Variants in UBL3 observed in about 807,000 individuals in gnomAD.
UBL3 encodes the protein ubiquitin like 3, also known as ubiquitin-like protein 3.
A neutral mutation model predicts 18.4 loss-of-function variants in UBL3; 6 were observed. That is an observed-to-expected ratio of 0.33 (90% confidence interval 0.18 to 0.64). The LOEUF is 0.64. Ranked by LOEUF, UBL3 falls within the 30% of genes least tolerant of loss-of-function variation. The pLI, the probability that UBL3 is intolerant of heterozygous loss-of-function variation, is 0.76. For missense variants in UBL3, 109 were observed against 142.9 expected (o/e 0.76, Z 1.21); for synonymous variants, 49 against 46.6 (o/e 1.05, Z -0.21).
chr13:29,778,416 C>T (rs8001330), intron 1 of UBL3, among the ~76,000 whole-genome samples: 139,087 of 152,132 alleles, frequency 0.91, 63,651 homozygotes, highest in East Asian at 0.98. Flanking sequence ...AAGTGTTGTT[C>T]CTATTACTCC....
rs995244408 is a variant in UBL3, at chr13:29,792,119, A to G, written c.28-14856T>C. Among the ~76,000 whole-genome samples, 10 of 152,366 alleles carry G rather than the reference A, an allele frequency of 6.6e-5. 1 individual carries two copies. The South Asian group carries it at 2.1e-3, about 32-fold the overall frequency. ...CTCAGTCACAGTGCTTGAAAAAAGTAGGTATTTAATACTTTGAAAGGATGA... is the reference window on the plus strand; with the variant it reads ...CTCAGTCACAGTGCTTGAAAAAAGTGGGTATTTAATACTTTGAAAGGATGA... On this transcript the variant is annotated intron_variant, in intron 1 of 4. Coordinates refer to ENST00000380680, the MANE Select transcript of UBL3 (RefSeq NM_007106.4).
chr13:29,835,139 T>A (rs76038660), intron 1 of UBL3, among the ~76,000 whole-genome samples: 29 of 9,372 alleles, frequency 3.1e-3, no homozygotes, highest in East Asian at 0.017. Flanking sequence ...TATATATATA[T>A]ATATATATAT....
rs370692218 is a variant in UBL3, at chr13:29,836,123, G to A, written c.27+13389C>T. Reference sequence around the variant, plus strand: ...ACTTGAACTAGGTTGGTAGCATGATGAAGAGAAGTAGATGGATTCTAGATA... The same window carrying A: ...ACTTGAACTAGGTTGGTAGCATGATAAAGAGAAGTAGATGGATTCTAGATA... On this transcript the variant is annotated intron_variant, in intron 1 of 4. Coordinates refer to ENST00000380680, the MANE Select transcript of UBL3 (RefSeq NM_007106.4). Among the ~76,000 whole-genome samples, 103 of 152,270 alleles carry A rather than the reference G, an allele frequency of 6.8e-4. 2 individuals are homozygous for A. Among genetic ancestry groups the A allele is most frequent in the Middle Eastern group, 3.4e-3 (1 of 294 alleles).
intron 1 of UBL3, among the ~76,000 whole-genome samples, chr13:29,818,638 C>T (rs905271600): frequency 9.2e-5 from 14 of 152,128 alleles, no homozygotes; most frequent in East Asian, 3.8e-4. Context: ...TCACATAATA[C>T]GCCTATCACA....
intron 1 of UBL3, chr13:29,779,278 T>C (rs1327429839): frequency 2.0e-6 from 1 of 496,026 alleles, no homozygotes; most frequent in East Asian, 5.7e-5. Context: ...TCTTAATGTA[T>C]GAATAACAAA....
chr13:29,802,786 C>T (rs550011825), intron 1 of UBL3, among the ~76,000 whole-genome samples: 4 of 152,226 alleles, frequency 2.6e-5, no homozygotes, highest in African/African-American at 9.6e-5. Context: ...AACGAAACTC[C>T]TGAGAAATAC....
intron 1 of UBL3, among the ~76,000 whole-genome samples, chr13:29,777,804 T>C (rs920723627): frequency 6.6e-6 from 1 of 152,212 alleles, no homozygotes; most frequent in African/African-American, 2.4e-5. Flanking sequence ...CTCTGCTCTG[T>C]CACCCAGGCT....
intron 1 of UBL3, among the ~76,000 whole-genome samples, chr13:29,831,449 G>T (rs1878768104): frequency 6.6e-6 from 1 of 152,000 alleles, no homozygotes; most frequent in Admixed American, 6.6e-5. Flanking sequence ...ATTAGCCGGG[G>T]TGGTAGTGCA....
intron 1 of UBL3, among the ~76,000 whole-genome samples, chr13:29,794,394 T>C (rs1321485363): frequency 6.6e-6 from 1 of 152,002 alleles, no homozygotes; most frequent in Non-Finnish European, 1.5e-5. Flanking sequence ...ATATGCATGT[T>C]GACCTTTTCT....
At chr13:29,781,706 A>G (rs941943930) in intron 1 of UBL3, among the ~76,000 whole-genome samples, 7 of 151,866 alleles carry the variant, frequency 4.6e-5, no homozygotes, top group Non-Finnish European at 1.0e-4. Context: ...GAAGTTGGCC[A>G]GGTGCAGTAG....
At position 29,765,447 on chromosome 13, in the gene UBL3, AC is replaced by A. The variant is rs1876651791; in HGVS notation, c.*1807del. The A allele has an allele frequency of 6.6e-6, 1 of 152,156 alleles. No individual in the cohort carries two copies. Among genetic ancestry groups the A allele is most frequent in the Non-Finnish European group, 1.5e-5 (1 of 67,990 alleles). 9.4% of individuals were successfully genotyped at this position (152,156 alleles called of 1,614,324 possible). A position where few individuals can be genotyped will look rare whatever the true frequency, so the allele number is the denominator to read the frequency against. ...CATTGTTGTGACTGTCCACAAATTAACCAGGTTAAATATCAAAGATACATTG... is the reference window on the plus strand; with the variant it reads ...CATTGTTGTGACTGTCCACAAATTAACAGGTTAAATATCAAAGATACATTG... On this transcript the variant is annotated 3_prime_UTR_variant, in exon 5 of 5. Coordinates refer to ENST00000380680, the MANE Select transcript of UBL3 (RefSeq NM_007106.4).
At chr13:29,847,189 C>G (rs947339394) in intron 1 of UBL3, among the ~76,000 whole-genome samples, 3 of 152,084 alleles carry the variant, frequency 2.0e-5, no homozygotes, top group Admixed American at 6.6e-5. Flanking sequence ...AATAAACGAA[C>G]GTTTAAAAGA....
intron 1 of UBL3, among the ~76,000 whole-genome samples, chr13:29,838,816 G>A (rs1172028259): frequency 1.3e-5 from 2 of 152,008 alleles, no homozygotes; most frequent in Admixed American, 1.3e-4. Context: ...TACATTAAAG[G>A]TAAACCAGAG....
chr13:29,765,248 AGTTT>A lies in UBL3; in HGVS notation c.*2003_*2006del, dbSNP rs1268881090. On this transcript the variant is annotated 3_prime_UTR_variant, in exon 5 of 5. Coordinates refer to ENST00000380680, the MANE Select transcript of UBL3 (RefSeq NM_007106.4). ...ATAGGTATTAAAAATAATTACCAGT[AGTTT>A]GTTTTACAAAATAGAGCCATAAATT... is the stretch of plus-strand genomic sequence containing the variant. The A allele has an allele frequency of 6.6e-6, 1 of 152,318 alleles. No individual in the cohort carries two copies. Among genetic ancestry groups the A allele is most frequent in the South Asian group, 2.1e-4 (1 of 4,832 alleles). The allele number at this position is 152,318 out of a possible 1,614,324, so 9.4% of individuals were successfully genotyped here. A position where few individuals can be genotyped will look rare whatever the true frequency, so the allele number is the denominator to read the frequency against.
At chr13:29,785,282 A>G (rs1218603957) in intron 1 of UBL3, among the ~76,000 whole-genome samples, 1 of 152,180 alleles carries the variant, frequency 6.6e-6, no homozygotes, top group Non-Finnish European at 1.5e-5. Flanking sequence ...CTGGGTGAAC[A>G]GTGTTGGGGA....
At chr13:29,813,009 T>C (rs1166913614) in intron 1 of UBL3, among the ~76,000 whole-genome samples, 1 of 152,006 alleles carries the variant, frequency 6.6e-6, no homozygotes, top group African/African-American at 2.4e-5. Flanking sequence ...TTCTAAAGAG[T>C]CATTTTTACC....
intron 1 of UBL3, among the ~76,000 whole-genome samples, chr13:29,846,564 A>C (rs534502383): frequency 3.3e-5 from 5 of 152,292 alleles, no homozygotes; most frequent in African/African-American, 1.2e-4. Flanking sequence ...ACCAAAGCTA[A>C]AAAATCTATT....
intron 1 of UBL3, among the ~76,000 whole-genome samples, chr13:29,848,126 A>G (rs948617612): frequency 3.3e-5 from 5 of 152,132 alleles, no homozygotes; most frequent in South Asian, 4.1e-4. Flanking sequence ...TTGCTCCTCT[A>G]GAAACATCTG....
intron 1 of UBL3, among the ~76,000 whole-genome samples, chr13:29,837,706 G>C (rs1232718911): frequency 6.6e-6 from 1 of 151,978 alleles, no homozygotes; most frequent in Non-Finnish European, 1.5e-5. Flanking sequence ...GAGGCAGGCG[G>C]ATCACTTGAG....
Sources: gnomAD v4.1 joint callset for allele counts (sites outside exome capture counted in the v4.1 genomes callset) on GRCh38, gnomAD v4.1.1 for gene constraint, MANE v1.5 for transcripts, NCBI Gene and HGNC (gene_info 2026-07-23, HGNC 2026-07-21) for gene names.